The following FHIT variants were observed in gnomAD, a reference collection of about 807,000 sequenced individuals.
FHIT encodes the protein bis(5'-adenosyl)-triphosphatase.
In FHIT, 19 loss-of-function variants were observed where a neutral mutation model predicts 17.9. The ratio of observed to expected loss-of-function variants is 1.06; its 90% CI spans 0.74 to 1.56. The LOEUF (loss-of-function observed/expected upper bound fraction) is 1.56. Ranked by LOEUF, FHIT falls within the 40% of genes most tolerant of loss-of-function variation. FHIT has a pLI of 0.00. For synonymous variants in FHIT, 81 were observed against 69.7 expected (o/e 1.16, Z -0.81); for missense variants, 248 against 189.2 (o/e 1.31, Z -1.82).
At chr3:60,748,974 T>A (rs2042414665) in intron 4 of FHIT, among the ~76,000 whole-genome samples, 1 of 152,164 alleles carries the variant, frequency 6.6e-6, no homozygotes, top group African/African-American at 2.4e-5. Context: ...ATAGTTTTGA[T>A]CCACTGTTAA....
intron 4 of FHIT, among the ~76,000 whole-genome samples, chr3:60,544,717 C>T (rs567200513): frequency 2.6e-5 from 4 of 151,870 alleles, no homozygotes; most frequent in Non-Finnish European, 5.9e-5. Flanking sequence ...CTGCCTCAGC[C>T]TCCCAAGTAG....
Position 59,748,919 on chromosome 3 carries a change from T to C in FHIT, c.*666A>G, listed in dbSNP as rs923673537. Among the ~76,000 whole-genome samples, 4 of 152,176 alleles carry C rather than the reference T, an allele frequency of 2.6e-5. No homozygotes were observed. The highest frequency in any genetic ancestry group is 2.6e-4 in the Admixed American group (4 of 15,278). ...TTATCAATTCCAGGGCTGAGCCCTATCATGTCTGCCTCTGTGCATGTTGAG... is the reference window on the plus strand; with the variant it reads ...TTATCAATTCCAGGGCTGAGCCCTACCATGTCTGCCTCTGTGCATGTTGAG... On this transcript the variant is annotated 3_prime_UTR_variant, in exon 10 of 10. Coordinates refer to ENST00000492590, the MANE Select transcript of FHIT (RefSeq NM_002012.4).
intron 5 of FHIT, among the ~76,000 whole-genome samples, chr3:60,129,515 T>TG: frequency 6.6e-6 from 1 of 152,228 alleles, no homozygotes. Context: ...TTTCCTAGAC[T>TG]ACATGTTGAT....
intron 5 of FHIT, among the ~76,000 whole-genome samples, chr3:60,042,803 T>A (rs1184443725): frequency 6.6e-6 from 1 of 152,088 alleles, no homozygotes. Flanking sequence ...TTCAAAAAAT[T>A]AAGTAACCAA....
intron 5 of FHIT, among the ~76,000 whole-genome samples, chr3:60,426,339 C>A (rs569690647): frequency 6.6e-6 from 1 of 152,236 alleles, no homozygotes; most frequent in South Asian, 2.1e-4. Context: ...GCTCTAAAGT[C>A]TCCCAAAGTC....
At chr3:60,937,929 C>T (rs1708260855) in intron 3 of FHIT, among the ~76,000 whole-genome samples, 1 of 152,082 alleles carries the variant, frequency 6.6e-6, no homozygotes, top group Non-Finnish European at 1.5e-5. Context: ...CCCACAGTCT[C>T]ACATAAATAC....
At chr3:61,143,403 T>TA (rs1265519300) in intron 2 of FHIT, among the ~76,000 whole-genome samples, 4 of 152,186 alleles carry the variant, frequency 2.6e-5, no homozygotes, top group African/African-American at 9.6e-5. Flanking sequence ...TGTTTTGTGT[T>TA]ACGTGATTGT....
intron 2 of FHIT, among the ~76,000 whole-genome samples, chr3:61,178,492 T>A (rs1185012056): frequency 6.7e-6 from 1 of 149,902 alleles, no homozygotes; most frequent in Non-Finnish European, 1.5e-5. Flanking sequence ...AGTAATCTAG[T>A]ATGTAGTCTG....
At chr3:60,347,465 C>T (rs945290909) in intron 5 of FHIT, among the ~76,000 whole-genome samples, 2 of 152,078 alleles carry the variant, frequency 1.3e-5, no homozygotes, top group African/African-American at 4.8e-5. Context: ...GAAGCATCAA[C>T]TTAGCAAGTG....
chr3:61,226,502 T>C (rs1488074585), intron 1 of FHIT, among the ~76,000 whole-genome samples: 1 of 152,158 alleles, frequency 6.6e-6, no homozygotes, highest in African/African-American at 2.4e-5. Flanking sequence ...AGATGAGGAC[T>C]GTGTGCTGAA....
chr3:60,856,161 G>A (rs1204634156), intron 3 of FHIT, among the ~76,000 whole-genome samples: 1 of 152,098 alleles, frequency 6.6e-6, no homozygotes, highest in African/African-American at 2.4e-5. Flanking sequence ...CAACCAAAAT[G>A]GTAATGCATT....
At chr3:60,520,769 G>T (rs1445908581) in intron 5 of FHIT, among the ~76,000 whole-genome samples, 3 of 152,118 alleles carry the variant, frequency 2.0e-5, no homozygotes, top group Non-Finnish European at 4.4e-5. Flanking sequence ...TGGTTAATGA[G>T]AGTTGAGCAT....
intron 4 of FHIT, among the ~76,000 whole-genome samples, chr3:60,720,927 G>A (rs568293573): frequency 6.6e-6 from 1 of 152,292 alleles, no homozygotes; most frequent in South Asian, 2.1e-4. Context: ...TATTACCCAA[G>A]CCAGAAGAAA....
chr3:60,187,590 C>G (rs1702210868), intron 5 of FHIT, among the ~76,000 whole-genome samples: 1 of 152,138 alleles, frequency 6.6e-6, no homozygotes, highest in African/African-American at 2.4e-5. Context: ...TGCTGAATCA[C>G]CAGCCCTGCC....
intron 8 of FHIT, among the ~76,000 whole-genome samples, chr3:59,850,784 G>C (rs1201072302): frequency 6.6e-6 from 1 of 152,188 alleles, no homozygotes; most frequent in East Asian, 1.9e-4. Flanking sequence ...TGCCACAAAA[G>C]CAAGAGTCTT....
At chr3:60,792,009 C>A (rs1021351226) in intron 4 of FHIT, among the ~76,000 whole-genome samples, 7 of 152,176 alleles carry the variant, frequency 4.6e-5, no homozygotes, top group Admixed American at 6.5e-5. Flanking sequence ...CAAGTTAGTT[C>A]CCAGGATCTT....
chr3:59,993,323 A>G (rs935244132), intron 7 of FHIT, among the ~76,000 whole-genome samples: 1 of 152,074 alleles, frequency 6.6e-6, no homozygotes, highest in African/African-American at 2.4e-5. Flanking sequence ...AGCTTGTAAC[A>G]ACATCCTACA....
intron 7 of FHIT, among the ~76,000 whole-genome samples, chr3:59,951,882 C>T (rs1234062506): frequency 6.6e-6 from 1 of 152,194 alleles, no homozygotes; most frequent in Non-Finnish European, 1.5e-5. Flanking sequence ...CTCTCCATGT[C>T]TCTGAAAACA....
intron 4 of FHIT, among the ~76,000 whole-genome samples, chr3:60,797,262 C>G (rs553303565): frequency 6.6e-6 from 1 of 152,140 alleles, no homozygotes; most frequent in South Asian, 2.1e-4. Context: ...TGCCCACTTT[C>G]ATTGAAGAAA....
Sources: allele counts gnomAD v4.1 joint callset (sites outside exome capture counted in the v4.1 genomes callset), GRCh38; gene constraint gnomAD v4.1.1; transcripts MANE v1.5; gene names NCBI Gene and HGNC (gene_info 2026-07-23, HGNC 2026-07-21).